KCNQ5: variants seen among roughly 807,000 people sequenced by gnomAD.
The protein encoded by KCNQ5 is potassium voltage-gated channel subfamily KQT member 5.
In KCNQ5, 30 loss-of-function variants were observed where a neutral mutation model predicts 98.2. The observed-to-expected ratio is 0.31, with a 90% confidence interval of 0.23 to 0.41. The LOEUF is 0.41. Ranked by LOEUF, KCNQ5 falls within the 10% of genes least tolerant of loss-of-function variation. The probability of loss-of-function intolerance (pLI) is 1.00; values close to 1 mark genes in which losing one functional copy is unlikely to be tolerated. For missense variants in KCNQ5, 835 were observed against 1,182.5 expected (o/e 0.71, Z 4.31); for synonymous variants, 458 against 449.4 (o/e 1.02, Z -0.24).
intron 5 of KCNQ5, among the ~76,000 whole-genome samples, chr6:73,104,120 A>G (rs1459914290): frequency 6.6e-6 from 1 of 152,098 alleles, no homozygotes; most frequent in Non-Finnish European, 1.5e-5. Context: ...TAGACAAGAG[A>G]AAGAAATAAA....
At chr6:73,056,960 C>T (rs1293450472) in intron 3 of KCNQ5, among the ~76,000 whole-genome samples, 1 of 152,056 alleles carries the variant, frequency 6.6e-6, no homozygotes, top group Non-Finnish European at 1.5e-5. Context: ...CCATTTGACC[C>T]AGCCATCCCA....
intron 1 of KCNQ5, among the ~76,000 whole-genome samples, chr6:72,958,012 C>T (rs982239007): frequency 6.6e-6 from 1 of 152,086 alleles, no homozygotes; most frequent in Admixed American, 6.6e-5. Flanking sequence ...AAGTGCTGTG[C>T]CTTATGAACT....
At chr6:73,094,236 T>C (rs1774384614) in intron 5 of KCNQ5, among the ~76,000 whole-genome samples, 1 of 152,188 alleles carries the variant, frequency 6.6e-6, no homozygotes. Context: ...GCTTTTGGTG[T>C]CCATATTCCA....
At chr6:72,729,787 A>C (rs1479079636) in intron 1 of KCNQ5, among the ~76,000 whole-genome samples, 1 of 151,994 alleles carries the variant, frequency 6.6e-6, no homozygotes, top group East Asian at 1.9e-4. Flanking sequence ...GTATTAGAGA[A>C]GTTTTTGCAT....
intron 1 of KCNQ5, among the ~76,000 whole-genome samples, chr6:72,701,855 G>A (rs2154474673): frequency 6.6e-6 from 1 of 152,114 alleles, no homozygotes; most frequent in South Asian, 2.1e-4. Context: ...CATGAAGCCT[G>A]CCTAATTTTT....
At position 73,089,461 on chromosome 6, in the gene KCNQ5, T is replaced by A. The variant is rs78648854; in HGVS notation, c.918+11574T>A. On this transcript the variant is annotated intron_variant, in intron 5 of 13. Transcript: ENST00000370398. ...GGGGAACAGGTGGTTTTTGGTTACA[T>A]AAGTAAGTTCTTTCACGGTGAGTTG... Among the ~76,000 whole-genome samples, 1,015 of 152,266 alleles carry A rather than the reference T, an allele frequency of 6.7e-3. 9 individuals carry two copies. Among genetic ancestry groups the A allele is most frequent in the African/African-American group, 0.023 (957 of 41,542 alleles).
intron 1 of KCNQ5, among the ~76,000 whole-genome samples, chr6:72,915,314 G>T (rs1237293010): frequency 6.6e-6 from 1 of 151,934 alleles, no homozygotes; most frequent in Admixed American, 6.6e-5. Context: ...AATTATAAAG[G>T]GTATATAGCT....
In KCNQ5 at chr6:72,969,766, G is replaced by T. The variant is rs192277931; in HGVS notation, c.399-34142G>T. Among the ~76,000 whole-genome samples, 758 of 152,038 alleles carry T rather than the reference G, an allele frequency of 5.0e-3. 4 individuals are homozygous for T. Among genetic ancestry groups the T allele is most frequent in the Admixed American group, 8.4e-3 (128 of 15,288 alleles). On this transcript the variant is annotated intron_variant, in intron 1 of 13. Transcript: ENST00000370398. The stretch of plus-strand genomic sequence containing the variant: ...ATGTATACAGAATTAGTCAACTATT[G>T]CGGCTCTTTCCCTATTATCTATCCC...
chr6:72,943,119 CAT>C (rs1766382852), intron 1 of KCNQ5, among the ~76,000 whole-genome samples: 1 of 152,162 alleles, frequency 6.6e-6, no homozygotes, highest in Non-Finnish European at 1.5e-5. Context: ...GTTAGTAATA[CAT>C]GTTATTTTCT....
At chr6:72,736,953 A>C (rs2154475994) in intron 1 of KCNQ5, among the ~76,000 whole-genome samples, 1 of 138,062 alleles carries the variant, frequency 7.2e-6, no homozygotes, top group East Asian at 2.2e-4. Context: ...TGATGAATAT[A>C]AACAAGATTT....
At chr6:72,897,564 G>A (rs1779302384) in intron 1 of KCNQ5, among the ~76,000 whole-genome samples, 1 of 152,018 alleles carries the variant, frequency 6.6e-6, no homozygotes, top group African/African-American at 2.4e-5. Context: ...AAAAAAATGA[G>A]GGTCACTCAG....
At chr6:72,714,837 G>T (rs373843940) in intron 1 of KCNQ5, among the ~76,000 whole-genome samples, 1 of 152,084 alleles carries the variant, frequency 6.6e-6, no homozygotes, top group Non-Finnish European at 1.5e-5. Context: ...GGGCACCAGC[G>T]AGTCTGGAAA....
intron 1 of KCNQ5, chr6:72,806,857 A>G: frequency 2.2e-6 from 1 of 447,976 alleles, no homozygotes. Flanking sequence ...ATTAATTTTC[A>G]GTTTCGTTTT....
At chr6:72,849,115 T>TACAC (rs57312980) in intron 1 of KCNQ5, among the ~76,000 whole-genome samples, 141 of 147,488 alleles carry the variant, frequency 9.6e-4, no homozygotes, top group Middle Eastern at 3.4e-3. Context: ...TATGTACACA[T>TACAC]ACACACACAC....
chr6:73,132,767 C>A (rs1776286093), intron 9 of KCNQ5, among the ~76,000 whole-genome samples: 3 of 152,184 alleles, frequency 2.0e-5, no homozygotes. Flanking sequence ...TCATTCTCTT[C>A]ATCAGTCATC....
chr6:73,193,300 G>A (rs1162716596), intron 13 of KCNQ5, among the ~76,000 whole-genome samples: 2 of 151,480 alleles, frequency 1.3e-5, no homozygotes, highest in Non-Finnish European at 2.9e-5. Flanking sequence ...GATTACAGGC[G>A]TGAGCCATAG....
rs548897739 is a variant in KCNQ5 at position 73,192,480 on chromosome 6, AT to A, written c.1710-76del. 675 of 1,190,256 alleles carry A rather than the reference AT, an allele frequency of 5.7e-4. 5 individuals are homozygous for A. In the African/African-American group the frequency reaches 7.1e-3, roughly 12 times the overall value. 73.7% of individuals were successfully genotyped at this position (1,190,256 alleles called of 1,614,324 possible). On this transcript the variant is annotated intron_variant, in intron 12 of 13. Coordinates refer to ENST00000370398, the MANE Select transcript of KCNQ5 (RefSeq NM_019842.4). The stretch of plus-strand genomic sequence containing the variant: ...CATAAATTGAAGATAACTGTATTTA[AT>A]TTTTTTTTCCAAAACTCTTCATTCT...
intron 3 of KCNQ5, among the ~76,000 whole-genome samples, chr6:73,074,415 T>G (rs1413928053): frequency 6.6e-6 from 1 of 152,178 alleles, no homozygotes; most frequent in East Asian, 1.9e-4. Flanking sequence ...AACTCTAACT[T>G]TCTCGTCTGA....
intron 11 of KCNQ5, among the ~76,000 whole-genome samples, chr6:73,175,399 C>T (rs538356427): frequency 2.0e-5 from 3 of 152,092 alleles, no homozygotes; most frequent in Non-Finnish European, 4.4e-5. Context: ...ATCTGCCCCC[C>T]CCTTGGCTTC....
Sources: gnomAD v4.1 joint callset for allele counts (sites outside exome capture counted in the v4.1 genomes callset) on GRCh38, gnomAD v4.1.1 for gene constraint, MANE v1.5 for transcripts, NCBI Gene and HGNC (gene_info 2026-07-23, HGNC 2026-07-21) for gene names.